The following GPLD1 variants were observed in gnomAD, a reference collection of about 807,000 sequenced individuals.
GPLD1 encodes the protein glycosylphosphatidylinositol specific phospholipase D1.
GPLD1 carries 84 observed loss-of-function variants against 112.6 expected under a neutral mutation model. The observed-to-expected ratio is 0.75, with a 90% confidence interval of 0.63 to 0.89. The LOEUF is 0.89. Ranked by LOEUF, GPLD1 falls within the 40% of genes least tolerant of loss-of-function variation. GPLD1 has a pLI of 0.00. For missense variants in GPLD1, 1,044 were observed against 1,051.5 expected (o/e 0.99, Z 0.10); for synonymous variants, 386 against 403.8 (o/e 0.96, Z 0.53).
chr6:24,482,847 A>C (rs975555108), intron 2 of GPLD1, among the ~76,000 whole-genome samples: 1 of 152,082 alleles, frequency 6.6e-6, no homozygotes, highest in Admixed American at 6.6e-5. Context: ...TGGGAGGCTG[A>C]GGTGGGAGGA....
chr6:24,445,302 C>T (rs1762873891), intron 20 of GPLD1, among the ~76,000 whole-genome samples: 1 of 152,186 alleles, frequency 6.6e-6, no homozygotes. Flanking sequence ...GCTGGGATTA[C>T]AGGTGTGAGC....
At chr6:24,442,646 G>A (rs981433726) in intron 20 of GPLD1, among the ~76,000 whole-genome samples, 14 of 151,720 alleles carry the variant, frequency 9.2e-5, no homozygotes, top group Admixed American at 3.3e-4. Context: ...GGGTTTCACT[G>A]TGTTAGCCAG....
chr6:24,476,303 A>T, intron 3 of GPLD1, 25 bp from the exon 4 acceptor site: 1 of 1,219,582 alleles, frequency 8.2e-7, no homozygotes, highest in Admixed American at 2.0e-5. Context: ...GCAGGGCTCT[A>T]GATTCTCTCT....
chr6:24,451,584 C>T (rs960425194), intron 14 of GPLD1, among the ~76,000 whole-genome samples: 1 of 152,182 alleles, frequency 6.6e-6, no homozygotes, highest in African/African-American at 2.4e-5. Flanking sequence ...GATCTGCCCG[C>T]CTTGGCCTCC....
chr6:24,466,834 AAG>A lies in GPLD1; in HGVS notation c.682-17_682-16del. ...GTGGGATATAACTATGGCAGAGAGA[AAG>A]AAAAAATAAAATGAATATGGTACTA... On this transcript the variant is annotated splice_polypyrimidine_tract_variant and intron_variant, in intron 9 of 24. Coordinates refer to ENST00000230036, the MANE Select transcript of GPLD1 (RefSeq NM_001503.4). 6.5e-7 allele frequency: 1 copy of A among 1,530,088 alleles called. No homozygotes were observed. 94.8% of individuals were successfully genotyped at this position (1,530,088 alleles called of 1,614,324 possible).
intron 14 of GPLD1, among the ~76,000 whole-genome samples, chr6:24,453,012 C>CA (rs1000435859): frequency 6.6e-6 from 1 of 151,992 alleles, no homozygotes; most frequent in Non-Finnish European, 1.5e-5. Flanking sequence ...CCCACCCCCC[C>CA]ACGCTCCTCC....
chr6:24,459,789 G>A lies in GPLD1; in HGVS notation c.1008+490C>T, dbSNP rs116644169. 2.6e-3 allele frequency among the ~76,000 whole-genome samples: 398 copies of A among 152,288 alleles called. 2 individuals carry two copies. Among genetic ancestry groups the A allele is most frequent in the African/African-American group, 7.1e-3 (295 of 41,556 alleles). On this transcript the variant is annotated intron_variant, in intron 12 of 24. Coordinates refer to ENST00000230036, the MANE Select transcript of GPLD1 (RefSeq NM_001503.4). The stretch of plus-strand genomic sequence containing the variant: ...ACAGTGAGCCTTCAACATTGTGAAC[G>A]CCTTTGGGACTAAGTCCAAAGAAGG...
intron 12 of GPLD1, 64 bp downstream of exon 12, chr6:24,460,215 A>G (rs1763389935): frequency 2.5e-6 from 4 of 1,580,346 alleles, no homozygotes; most frequent in Non-Finnish European, 3.5e-6. Flanking sequence ...CCAGGGACTC[A>G]GCGAAACAAG....
chr6:24,479,613 C>CA (rs1764135582), intron 3 of GPLD1, among the ~76,000 whole-genome samples: 1 of 152,054 alleles, frequency 6.6e-6, no homozygotes, highest in Non-Finnish European at 1.5e-5. Flanking sequence ...TGTCTTCTAT[C>CA]ATGTCACTTA....
intron 15 of GPLD1, 125 bp from the exon 16 acceptor site, chr6:24,448,333 G>T: frequency 2.5e-6 from 1 of 404,418 alleles, no homozygotes; most frequent in African/African-American, 2.9e-5. Flanking sequence ...TAATCCCAGT[G>T]CTTTGGGAGG....
chr6:24,472,778 GC>G, intron 6 of GPLD1, 142 bp from the exon 7 acceptor site: 1 of 579,992 alleles, frequency 1.7e-6, no homozygotes, highest in Non-Finnish European at 3.1e-6. Flanking sequence ...GTAAAGGCAT[GC>G]CTTTTTTTTT....
chr6:24,489,921 A>G (rs1764509235), upstream of GPLD1, among the ~76,000 whole-genome samples: 2 of 152,134 alleles, frequency 1.3e-5, no homozygotes, highest in South Asian at 4.1e-4. Context: ...AACATATTAG[A>G]CCACCTCACC....
intron 2 of GPLD1, among the ~76,000 whole-genome samples, chr6:24,481,199 A>G (rs1453214264): frequency 6.6e-6 from 1 of 152,224 alleles, no homozygotes; most frequent in Admixed American, 6.5e-5. Flanking sequence ...CTGCTCCTGC[A>G]GTTCCCACAG....
intron 1 of GPLD1, among the ~76,000 whole-genome samples, chr6:24,488,723 C>A (rs576140583): frequency 3.3e-5 from 5 of 152,064 alleles, no homozygotes; most frequent in Non-Finnish European, 5.9e-5. Context: ...TAAATTTATA[C>A]AATTTTTGTC....
intron 11 of GPLD1, among the ~76,000 whole-genome samples, chr6:24,460,888 G>A (rs181292129): frequency 6.6e-6 from 1 of 151,974 alleles, no homozygotes; most frequent in African/African-American, 2.4e-5. Context: ...CTACAGGCAT[G>A]CACCACCACA....
At chr6:24,430,414 C>T (rs16889240) in intron 24 of GPLD1, among the ~76,000 whole-genome samples, 17,543 of 152,168 alleles carry the variant, frequency 0.12, 1,333 homozygotes, top group East Asian at 0.15. Flanking sequence ...TGTGGGCCTG[C>T]TGTATTTTCC....
At chr6:24,478,720 A>C (rs1764103456) in intron 3 of GPLD1, among the ~76,000 whole-genome samples, 1 of 133,506 alleles carries the variant, frequency 7.5e-6, no homozygotes, top group Non-Finnish European at 1.6e-5. Context: ...TGTGCCCCTT[A>C]GCTGAAGGTC....
At chr6:24,451,409 G>A (rs916397543) in intron 14 of GPLD1, among the ~76,000 whole-genome samples, 2 of 152,084 alleles carry the variant, frequency 1.3e-5, no homozygotes, top group African/African-American at 4.8e-5. Flanking sequence ...ATAGTGCTTG[G>A]CTCACCGCAA....
chr6:24,432,622 A>C (rs1762443387), intron 24 of GPLD1, among the ~76,000 whole-genome samples: 1 of 152,102 alleles, frequency 6.6e-6, no homozygotes, highest in Non-Finnish European at 1.5e-5. Flanking sequence ...AGAAAGAAAA[A>C]ACTCTGAAAG....
Sources: allele counts gnomAD v4.1 joint callset (sites outside exome capture counted in the v4.1 genomes callset), GRCh38; gene constraint gnomAD v4.1.1; transcripts MANE v1.5; gene names NCBI Gene and HGNC (gene_info 2026-07-23, HGNC 2026-07-21).